The following ADAMTS12 variants were observed in gnomAD, a reference collection of about 807,000 sequenced individuals.
ADAMTS12 encodes A disintegrin and metalloproteinase with thrombospondin motifs 12.
Under a neutral mutation model 167.8 loss-of-function variants are expected in ADAMTS12, and 118 were observed. That is an observed-to-expected ratio of 0.70 (90% CI 0.61 to 0.82). The LOEUF (loss-of-function observed/expected upper bound fraction) is 0.82, where lower values mean the gene tolerates loss of function less well. ADAMTS12 is among the 40% of genes least tolerant of loss of function. ADAMTS12 has a pLI of 0.00. For synonymous variants in ADAMTS12, 704 were observed against 716.9 expected (o/e 0.98, Z 0.29); for missense variants, 1,916 against 1,998.8 (o/e 0.96, Z 0.79).
intron 2 of ADAMTS12, among the ~76,000 whole-genome samples, chr5:33,818,450 T>C (rs1747747222): frequency 6.6e-6 from 1 of 152,158 alleles, no homozygotes; most frequent in Admixed American, 6.6e-5. Flanking sequence ...TTGTATTCCA[T>C]ATATACACAT....
chr5:33,886,773 C>T (rs1343286530), intron 1 of ADAMTS12, among the ~76,000 whole-genome samples: 5 of 152,014 alleles, frequency 3.3e-5, no homozygotes, highest in African/African-American at 1.2e-4. Context: ...GGATGGAAAT[C>T]GGGGGTCACT....
chr5:33,669,093 TG>T (rs1741579544), intron 5 of ADAMTS12, among the ~76,000 whole-genome samples: 1 of 152,096 alleles, frequency 6.6e-6, no homozygotes, highest in African/African-American at 2.4e-5. Context: ...AGAAAAACAA[TG>T]GTCTGAAAGT....
At chr5:33,540,095 C>T (rs1744615916) in intron 22 of ADAMTS12, among the ~76,000 whole-genome samples, 2 of 152,266 alleles carry the variant, frequency 1.3e-5, no homozygotes, top group East Asian at 1.9e-4. Flanking sequence ...AAATGGGATA[C>T]TCCCACTCAA....
chr5:33,570,207 C>T (rs1746251768), intron 19 of ADAMTS12, among the ~76,000 whole-genome samples: 1 of 152,182 alleles, frequency 6.6e-6, no homozygotes, highest in Admixed American at 6.5e-5. Flanking sequence ...CCCAATCTAG[C>T]AAGGCAGGCC....
At position 33,684,008 on chromosome 5, in the gene ADAMTS12, C is replaced by G; in HGVS notation, c.682G>C (p.Glu228Gln). The change falls in exon 4 of 24, where the codon GAG becomes CAG. Residue 228 changes from glutamate (E) to glutamine (Q), a missense_variant. Physicochemically the swap from Glu to Gln is conservative, Grantham distance 29. Transcript: ENST00000504830. ...CTTCTGCTTGGCAAGTTGTGCCTCTCCCACTTCTCCCGCCATAGCTCTTGC... is the reference window on the plus strand; with the variant it reads ...CTTCTGCTTGGCAAGTTGTGCCTCTGCCACTTCTCCCGCCATAGCTCTTGC... ...QKQELWREKW[E>Q]RHNLPSRSLS... 1 of 1,605,942 alleles carries G rather than the reference C, an allele frequency of 6.2e-7. No individual in the cohort carries two copies. The highest frequency in any genetic ancestry group is 8.5e-7 in the Non-Finnish European group (1 of 1,175,490).
chr5:33,741,555 G>A (rs999391071), intron 3 of ADAMTS12, among the ~76,000 whole-genome samples: 5 of 152,134 alleles, frequency 3.3e-5, no homozygotes, highest in Non-Finnish European at 7.4e-5. Context: ...ACACCATTTA[G>A]CTCATAATGG....
chr5:33,566,299 C>A (rs1746010725), intron 19 of ADAMTS12, among the ~76,000 whole-genome samples: 1 of 152,008 alleles, frequency 6.6e-6, no homozygotes. Flanking sequence ...CCCATCTCTG[C>A]AAAAAATAAT....
chr5:33,787,531 T>C (rs1406998374), intron 2 of ADAMTS12, among the ~76,000 whole-genome samples: 2 of 152,212 alleles, frequency 1.3e-5, no homozygotes, highest in Non-Finnish European at 2.9e-5. Context: ...ATGAGGACTT[T>C]AGTTGCCAAG....
At chr5:33,625,346 GA>G (rs147987073) in intron 13 of ADAMTS12, among the ~76,000 whole-genome samples, 14,118 of 151,664 alleles carry the variant, frequency 0.093, 710 homozygotes, top group Middle Eastern at 0.16. Flanking sequence ...ATAACAATGG[GA>G]AAAAAAGCAA....
chr5:33,694,345 C>A (rs1209635004), intron 3 of ADAMTS12, among the ~76,000 whole-genome samples: 2 of 152,140 alleles, frequency 1.3e-5, no homozygotes, highest in African/African-American at 4.8e-5. Context: ...CTAGTAAGAG[C>A]AATCACATAG....
intron 2 of ADAMTS12, among the ~76,000 whole-genome samples, chr5:33,858,657 C>CA (rs35005089): frequency 0.052 from 4,222 of 80,656 alleles, 98 homozygotes; most frequent in African/African-American, 0.11. Context: ...GACATCATCT[C>CA]AAAAAAAAAA....
Position 33,789,124 on chromosome 5 carries a change from G to A in ADAMTS12, c.490-37576C>T, listed in dbSNP as rs562948761. On this transcript the variant is annotated intron_variant, in intron 2 of 23. Coordinates refer to ENST00000504830, the MANE Select transcript of ADAMTS12 (RefSeq NM_030955.4). ...TCATGATTGGGATCTATGAGAACACGGGAGGTTTCATAGGCTGTGGACATT... is the reference window on the plus strand; with the variant it reads ...TCATGATTGGGATCTATGAGAACACAGGAGGTTTCATAGGCTGTGGACATT... Among the ~76,000 whole-genome samples the A allele has an allele frequency of 2.7e-4, 41 of 152,266 alleles. No homozygotes were observed. The South Asian group carries it at 3.5e-3, about 13-fold the overall frequency.
At chr5:33,635,903 C>T (rs1343590074) in intron 12 of ADAMTS12, among the ~76,000 whole-genome samples, 4 of 152,038 alleles carry the variant, frequency 2.6e-5, no homozygotes, top group Non-Finnish European at 4.4e-5. Context: ...AAGAAACTAC[C>T]GGGATAGAGG....
intron 3 of ADAMTS12, among the ~76,000 whole-genome samples, chr5:33,736,260 ACCATATTGG>A (rs1744371799): frequency 6.6e-6 from 1 of 151,906 alleles, no homozygotes; most frequent in Admixed American, 6.6e-5. Flanking sequence ...ATGGGGTTTC[ACCATATTGG>A]CCAGGCTGGT....
intron 3 of ADAMTS12, among the ~76,000 whole-genome samples, chr5:33,725,877 A>G (rs1743963838): frequency 1.3e-5 from 2 of 152,220 alleles, no homozygotes; most frequent in South Asian, 4.1e-4. Context: ...TCAAGTGGGG[A>G]CAACACTCAA....
At position 33,523,539 on chromosome 5, in the gene ADAMTS12, T is replaced by A. The variant is rs1276560337; in HGVS notation, c.*3649A>T. 1 of 151,958 alleles carries A rather than the reference T, an allele frequency of 6.6e-6. No homozygotes were observed. Among genetic ancestry groups the A allele is most frequent in the Non-Finnish European group, 1.5e-5 (1 of 68,000 alleles). 9.4% of individuals were successfully genotyped at this position (151,958 alleles called of 1,614,324 possible). A position where few individuals can be genotyped will look rare whatever the true frequency, so the allele number is the denominator to read the frequency against. On this transcript the variant is annotated 3_prime_UTR_variant, in exon 24 of 24. Transcript: ENST00000504830. Reference sequence around the variant, plus strand: ...AGAATCACACAGAAACATCAATGAGTTTGGCTATTTATTGATGCCACACAG... The same window carrying A: ...AGAATCACACAGAAACATCAATGAGATTGGCTATTTATTGATGCCACACAG...
At chr5:33,742,371 C>A (rs1744620574) in intron 3 of ADAMTS12, among the ~76,000 whole-genome samples, 1 of 151,800 alleles carries the variant, frequency 6.6e-6, no homozygotes, top group African/African-American at 2.4e-5. Flanking sequence ...TGTGAGACTT[C>A]CAGCTGCTGC....
chr5:33,576,948 T>G lies in ADAMTS12; in HGVS notation c.3078A>C (p.Thr1026=). 6.2e-7 allele frequency: 1 copy of G among 1,614,188 alleles called. No homozygotes were observed. The highest frequency in any genetic ancestry group is 1.1e-5 in the South Asian group (1 of 91,078). ...PPTLKPVPPP[T]SRPRMLTTPT... is the part of the protein sequence containing the mutation. ...GTGTGGTCAGCATTCTGGGCCTGGA[T>G]GTAGGTGGAGGGACGGGCTTTAGTG... is the stretch of plus-strand genomic sequence containing the variant. Residue 1026 remains threonine (T), a synonymous_variant, in exon 19 of 24, where the codon ACA becomes ACC. Transcript: ENST00000504830.
chr5:33,655,606 C>CT lies in ADAMTS12; in HGVS notation c.1190+2577dup, dbSNP rs34629933. 3.5e-3 allele frequency among the ~76,000 whole-genome samples: 240 copies of CT among 68,434 alleles called. 2 individuals are homozygous for CT. In the Middle Eastern group the frequency reaches 0.035, roughly 10 times the overall value. The allele number at this position is 68,434 out of a possible 152,430, so 44.9% of individuals were successfully genotyped here. On this transcript the variant is annotated intron_variant, in intron 7 of 23. Transcript: ENST00000504830. ...TCTCAAATCCTTGTCTCGGGGTTGA[C>CT]TTTTTTTTTTTTAGTTTTATTTATT...
Sources: gnomAD v4.1 joint callset for allele counts (sites outside exome capture counted in the v4.1 genomes callset) on GRCh38, gnomAD v4.1.1 for gene constraint, MANE v1.5 for transcripts, NCBI Gene and HGNC (gene_info 2026-07-23, HGNC 2026-07-21) for gene names.